ARHGEF17: variants seen among roughly 807,000 people sequenced by gnomAD.
ARHGEF17 encodes the protein Rho guanine nucleotide exchange factor 17.
In ARHGEF17, 80 loss-of-function variants were observed where a neutral mutation model predicts 174.0. The ratio of observed to expected loss-of-function variants is 0.46; its 90% CI spans 0.38 to 0.55. The LOEUF (loss-of-function observed/expected upper bound fraction) is 0.55, where lower values mean the gene tolerates loss of function less well. Among genes scored for constraint, ARHGEF17 ranks in the 20% least tolerant of loss-of-function variants. The pLI is 0.00. For missense variants in ARHGEF17, 2,886 were observed against 2,839.7 expected, an observed-to-expected ratio of 1.02 and a Z score of -0.37; for synonymous variants, 1,311 against 1,189.1, an observed-to-expected ratio of 1.10 and a Z score of -2.11.
At chr11:73,315,692 C>A (rs1864917784) in intron 1 of ARHGEF17, among the ~76,000 whole-genome samples, 1 of 152,108 alleles carries the variant, frequency 6.6e-6, no homozygotes, top group Admixed American at 6.5e-5. Context: ...CAGCCCCTTT[C>A]CTCTGTTTAT....
chr11:73,311,886 A>G, intron 1 of ARHGEF17, 56 bp downstream of exon 1: 1 of 1,528,228 alleles, frequency 6.5e-7, no homozygotes, highest in Non-Finnish European at 8.8e-7. Context: ...ATGGGCACCG[A>G]CTTCGGTTGG....
chr11:73,319,362 T>G lies in ARHGEF17; in HGVS notation c.3192+7532T>G, dbSNP rs1864979011. Among the ~76,000 whole-genome samples, 2 of 152,160 alleles carry G rather than the reference T, an allele frequency of 1.3e-5. 1 individual carries two copies. Among genetic ancestry groups the G allele is most frequent in the South Asian group, 4.1e-4 (2 of 4,834 alleles). ...CAGGCGTGAGCCACTGCGCCCGGCC[T>G]CCTTCCTCCTTCTTTAAGAACCCTT... On this transcript the variant is annotated intron_variant, in intron 1 of 20. Transcript: ENST00000263674.
intron 1 of ARHGEF17, among the ~76,000 whole-genome samples, chr11:73,313,804 GC>G (rs1427414067): frequency 6.6e-6 from 1 of 152,232 alleles, no homozygotes; most frequent in Non-Finnish European, 1.5e-5. Flanking sequence ...CCTGCTCTGT[GC>G]CTCACTTCCC....
At chr11:73,361,961 G>C in intron 12 of ARHGEF17, 79 bp from the exon 13 acceptor site, 1 of 1,531,548 alleles carries the variant, frequency 6.5e-7, no homozygotes, top group East Asian at 2.4e-5. Context: ...CCTCCATTCT[G>C]CCGGGGTTTC....
At chr11:73,356,509 C>CGTCTCCACCT in intron 6 of ARHGEF17, 158 bp downstream of exon 6, 1 of 1,132,238 alleles carries the variant, frequency 8.8e-7, no homozygotes, top group Admixed American at 2.1e-5. Flanking sequence ...TGTGGCCACA[C>CGTCTCCACCT]GTCTCCACCT....
At chr11:73,345,792 A>T (rs1203164275) in intron 1 of ARHGEF17, among the ~76,000 whole-genome samples, 5 of 152,158 alleles carry the variant, frequency 3.3e-5, no homozygotes, top group Non-Finnish European at 5.9e-5. Context: ...GAGGAGAATA[A>T]CCCAGAGATC....
intron 2 of ARHGEF17, among the ~76,000 whole-genome samples, chr11:73,349,390 G>A (rs1042979160): frequency 7.9e-5 from 12 of 152,144 alleles, no homozygotes; most frequent in Non-Finnish European, 1.3e-4. Context: ...TGAGGTAGGC[G>A]GATCACCTGA....
At chr11:73,353,095 C>A in intron 3 of ARHGEF17, 83 bp downstream of exon 3, 1 of 1,526,922 alleles carries the variant, frequency 6.5e-7, no homozygotes, top group Non-Finnish European at 8.9e-7. Flanking sequence ...CCCACCCCCA[C>A]CCATCCCACC....
At chr11:73,327,512 C>T (rs1343511270) in intron 1 of ARHGEF17, among the ~76,000 whole-genome samples, 1 of 152,246 alleles carries the variant, frequency 6.6e-6, no homozygotes, top group Non-Finnish European at 1.5e-5. Flanking sequence ...CCTTGCCCCG[C>T]TTAGTAGACC....
At chr11:73,333,169 A>ACT (rs1193688926) in intron 1 of ARHGEF17, among the ~76,000 whole-genome samples, 154 of 152,324 alleles carry the variant, frequency 1.0e-3, no homozygotes, top group African/African-American at 3.6e-3. Context: ...GCCAATAATA[A>ACT]TGACAAGACT....
chr11:73,362,484 C>G lies in ARHGEF17; in HGVS notation c.4746C>G (p.Ala1582=), dbSNP rs113702360. The change falls in exon 14 of 21, where the codon GCC becomes GCG. Residue 1582 remains alanine (A), a synonymous_variant. Coordinates refer to ENST00000263674, the MANE Select transcript of ARHGEF17 (RefSeq NM_014786.4). ...CTCCAGAGACGGCACCGGAGCCCGC[C>G]GGGCCGGAGCTGGACGTCGAGGCCG... ...RSPPETAPEP[A]GPELDVEAAA... is the part of the protein sequence containing the mutation. 2.3e-5 allele frequency: 37 copies of G among 1,596,184 alleles called. No homozygotes were observed. The Middle Eastern group carries it at 5.7e-4, about 25-fold the overall frequency.
intron 3 of ARHGEF17, among the ~76,000 whole-genome samples, chr11:73,354,463 C>G (rs1865603354): frequency 6.6e-6 from 1 of 152,198 alleles, no homozygotes; most frequent in South Asian, 2.1e-4. Flanking sequence ...CGCTTGTAAT[C>G]CCAGCACTTT....
chr11:73,311,597 C>G lies in ARHGEF17; in HGVS notation c.2959C>G (p.Pro987Ala). ...SVGPPVAVPE[P>A]IGFPTRAHPT... Reference sequence around the variant, plus strand: ...TGGTCCCCCTGTGGCTGTGCCAGAACCCATAGGCTTCCCTACCCGAGCCCA... The same window carrying G: ...TGGTCCCCCTGTGGCTGTGCCAGAAGCCATAGGCTTCCCTACCCGAGCCCA... Residue 987 changes from proline to alanine, a missense_variant, in exon 1 of 21, where the codon CCC becomes GCC. Transcript: ENST00000263674. 1 of 1,613,526 alleles carries G rather than the reference C, an allele frequency of 6.2e-7. No individual in the cohort carries two copies. The highest frequency in any genetic ancestry group is 8.5e-7 in the Non-Finnish European group (1 of 1,179,978).
At position 73,310,209 on chromosome 11, in the gene ARHGEF17, C is replaced by T. The variant is rs61758707; in HGVS notation, c.1571C>T (p.Ala524Val). ...VGQLEPIPIP[A>V]PASPGTRPTL... ...CAACTTGAACCCATACCCATCCCAG[C>T]CCCAGCATCACCTGGCACGCGCCCC... Residue 524 changes from alanine to valine, a missense_variant, in exon 1 of 21, where the codon GCC becomes GTC. Physicochemically the swap from Ala to Val is moderately conservative, Grantham distance 64. Coordinates refer to ENST00000263674, the MANE Select transcript of ARHGEF17 (RefSeq NM_014786.4). 5,672 of 1,614,004 alleles carry T rather than the reference C, an allele frequency of 3.5e-3. 18 individuals are homozygous for T. Among genetic ancestry groups the T allele is most frequent in the Middle Eastern group, 5.6e-3 (34 of 6,062 alleles).
Position 73,308,614 on chromosome 11 carries a change from C to A in ARHGEF17, c.-25C>A. The A allele has an allele frequency of 7.0e-7, 1 of 1,422,678 alleles. No individual in the cohort carries two copies. The highest frequency in any genetic ancestry group is 1.4e-5 in the South Asian group (1 of 68,966). 88.1% of individuals were successfully genotyped at this position (1,422,678 alleles called of 1,614,324 possible). ...GTTGGCCGCGGCTGCCCGAGGCCAG[C>A]CCCCCCGGAGTGAGTTACGCCACTA... On this transcript the variant is annotated 5_prime_UTR_variant, in exon 1 of 21. Transcript: ENST00000263674.
rs2135782134 is a variant in ARHGEF17 at position 73,308,580 on chromosome 11, G to A, written c.-59G>A. ...CGCTGCGCTCCTAGGGAGTGGGGGCGCAGGGGGGGTTGGCCGCGGCTGCCC... is the reference window on the plus strand; with the variant it reads ...CGCTGCGCTCCTAGGGAGTGGGGGCACAGGGGGGGTTGGCCGCGGCTGCCC... On this transcript the variant is annotated 5_prime_UTR_variant, in exon 1 of 21. Transcript: ENST00000263674. 7 of 1,348,942 alleles carry A rather than the reference G, an allele frequency of 5.2e-6. No individual in the cohort carries two copies. The highest frequency in any genetic ancestry group is 6.7e-6 in the Non-Finnish European group (7 of 1,046,088). 83.6% of individuals were successfully genotyped at this position (1,348,942 alleles called of 1,614,324 possible).
chr11:73,364,666 G>A, intron 18 of ARHGEF17, 66 bp downstream of exon 18: 1 of 1,543,682 alleles, frequency 6.5e-7, no homozygotes, highest in South Asian at 1.2e-5. Flanking sequence ...ACAGGGAGAT[G>A]GAGACCATGG....
chr11:73,323,080 C>A (rs1270853181), intron 1 of ARHGEF17, among the ~76,000 whole-genome samples: 1 of 152,090 alleles, frequency 6.6e-6, no homozygotes, highest in Non-Finnish European at 1.5e-5. Context: ...TGCCTCTGTG[C>A]CCAGCAAGCC....
At chr11:73,314,048 T>A (rs895612095) in intron 1 of ARHGEF17, among the ~76,000 whole-genome samples, 7 of 152,178 alleles carry the variant, frequency 4.6e-5, no homozygotes, top group Non-Finnish European at 1.0e-4. Flanking sequence ...ATCCTCCAAT[T>A]TCCCACACCC....
Sources: gnomAD v4.1 joint callset for allele counts (sites outside exome capture counted in the v4.1 genomes callset) on GRCh38, gnomAD v4.1.1 for gene constraint, MANE v1.5 for transcripts, NCBI Gene and HGNC (gene_info 2026-07-23, HGNC 2026-07-21) for gene names.